The following ARHGAP42 variants were observed in gnomAD, a reference collection of about 807,000 sequenced individuals.
The protein encoded by ARHGAP42 is Rho GTPase activating protein 42.
Under a neutral mutation model 125.0 loss-of-function variants are expected in ARHGAP42, and 63 were observed. The observed-to-expected ratio is 0.50, with a 90% CI of 0.41 to 0.62. The LOEUF (loss-of-function observed/expected upper bound fraction) is 0.62. Ranked by LOEUF, ARHGAP42 falls within the 20% of genes least tolerant of loss-of-function variation. ARHGAP42 has a pLI of 0.00. For missense variants in ARHGAP42, 766 were observed against 1,024.2 expected, an observed-to-expected ratio of 0.75 and a Z score of 3.44; for synonymous variants, 339 against 351.0, an observed-to-expected ratio of 0.97 and a Z score of 0.38.
At chr11:100,719,206 A>G (rs1024240992) in intron 1 of ARHGAP42, among the ~76,000 whole-genome samples, 1 of 152,218 alleles carries the variant, frequency 6.6e-6, no homozygotes, top group African/African-American at 2.4e-5. Context: ...TTCATTCACC[A>G]CTAGATACTG....
intron 12 of ARHGAP42, among the ~76,000 whole-genome samples, chr11:100,954,994 G>T (rs662173): frequency 0.88 from 134,277 of 152,196 alleles, 59,320 homozygotes; most frequent in East Asian, 1. Flanking sequence ...TGTCAACCCT[G>T]AGAATGTACT....
chr11:100,729,833 C>G (rs1861925349), intron 1 of ARHGAP42, among the ~76,000 whole-genome samples: 1 of 137,582 alleles, frequency 7.3e-6, no homozygotes, highest in Non-Finnish European at 1.5e-5. Flanking sequence ...TTTTTTGAGA[C>G]AGAGTTTTGC....
At chr11:100,708,288 G>A (rs1861509808) in intron 1 of ARHGAP42, among the ~76,000 whole-genome samples, 1 of 152,196 alleles carries the variant, frequency 6.6e-6, no homozygotes, top group African/African-American at 2.4e-5. Context: ...TAGGTAGGAG[G>A]ATTGTTTGAA....
At chr11:100,889,895 AT>A (rs1331761815) in intron 4 of ARHGAP42, among the ~76,000 whole-genome samples, 1 of 152,080 alleles carries the variant, frequency 6.6e-6, no homozygotes, top group Non-Finnish European at 1.5e-5. Flanking sequence ...AAGCTGGACC[AT>A]TCTTTAGAGT....
intron 4 of ARHGAP42, among the ~76,000 whole-genome samples, chr11:100,900,430 T>C (rs1866511763): frequency 6.6e-6 from 1 of 152,196 alleles, no homozygotes; most frequent in Non-Finnish European, 1.5e-5. Context: ...GTTCTCTGTA[T>C]TTCCTGAATT....
chr11:100,731,160 ATTC>A (rs1321343755), intron 1 of ARHGAP42, among the ~76,000 whole-genome samples: 5 of 151,786 alleles, frequency 3.3e-5, no homozygotes, highest in East Asian at 3.9e-4. Flanking sequence ...ATATCATTAT[ATTC>A]TTCTTTTTTT....
chr11:100,771,042 C>T (rs1862965930), intron 2 of ARHGAP42, among the ~76,000 whole-genome samples: 1 of 143,966 alleles, frequency 6.9e-6, no homozygotes, highest in Non-Finnish European at 1.5e-5. Context: ...ATATACCAGG[C>T]ACTGGTTTAA....
At chr11:100,741,080 G>A (rs112732061) in intron 1 of ARHGAP42, among the ~76,000 whole-genome samples, 1 of 152,036 alleles carries the variant, frequency 6.6e-6, no homozygotes, top group Non-Finnish European at 1.5e-5. Context: ...TCCAAGGCTG[G>A]AGTGCAGTGG....
chr11:100,979,708 T>TC (rs1282206788), intron 22 of ARHGAP42, among the ~76,000 whole-genome samples: 1 of 151,914 alleles, frequency 6.6e-6, no homozygotes, highest in Non-Finnish European at 1.5e-5. Context: ...ATTATTTTTT[T>TC]TTTTTACTAT....
chr11:100,730,609 A>G (rs1861939553), intron 1 of ARHGAP42, among the ~76,000 whole-genome samples: 1 of 152,236 alleles, frequency 6.6e-6, no homozygotes, highest in East Asian at 1.9e-4. Context: ...ATGCTGATAC[A>G]AGCCATGTCT....
At chr11:100,771,658 G>A (rs1256432523) in intron 2 of ARHGAP42, among the ~76,000 whole-genome samples, 2 of 151,856 alleles carry the variant, frequency 1.3e-5, no homozygotes, top group Non-Finnish European at 2.9e-5. Context: ...GAGTGCAGTG[G>A]CACGATCTCG....
intron 4 of ARHGAP42, among the ~76,000 whole-genome samples, chr11:100,908,246 T>C (rs77030997): frequency 0.033 from 5,028 of 152,290 alleles, 134 homozygotes; most frequent in Non-Finnish European, 0.049. Flanking sequence ...TGTGGTAAAG[T>C]TTGTTCTTCA....
intron 2 of ARHGAP42, among the ~76,000 whole-genome samples, chr11:100,789,452 A>G (rs1213896485): frequency 6.6e-6 from 1 of 152,200 alleles, no homozygotes; most frequent in Non-Finnish European, 1.5e-5. Context: ...GATCGTAGAC[A>G]GTTTTGATAT....
At chr11:100,697,457 C>T (rs1361808576) in intron 1 of ARHGAP42, among the ~76,000 whole-genome samples, 1 of 152,196 alleles carries the variant, frequency 6.6e-6, no homozygotes, top group Non-Finnish European at 1.5e-5. Context: ...GCTGGGATTA[C>T]AGGCGTGAGC....
intron 6 of ARHGAP42, among the ~76,000 whole-genome samples, chr11:100,927,188 T>C (rs1867450442): frequency 6.6e-6 from 1 of 152,202 alleles, no homozygotes; most frequent in South Asian, 2.1e-4. Flanking sequence ...GCTTAAATAA[T>C]TTTGAGATTG....
At chr11:100,860,000 T>G (rs1361478516) in intron 4 of ARHGAP42, 1 of 155,824 alleles carries the variant, frequency 6.4e-6, no homozygotes, top group East Asian at 1.8e-4. Context: ...TTGTATTTTT[T>G]ATAAATAAAA....
intron 21 of ARHGAP42, 71 bp downstream of exon 21, chr11:100,977,042 T>G (rs1052742101): frequency 1.3e-6 from 2 of 1,510,600 alleles, no homozygotes; most frequent in African/African-American, 2.8e-5. Flanking sequence ...TCAGAAGAAC[T>G]CTTGGGAATC....
intron 4 of ARHGAP42, among the ~76,000 whole-genome samples, chr11:100,891,103 G>A (rs1469364049): frequency 6.6e-6 from 1 of 152,176 alleles, no homozygotes; most frequent in East Asian, 1.9e-4. Context: ...TGAGGCATGT[G>A]AGACAGACGC....
At chr11:100,936,038 A>T (rs1867730200) in intron 7 of ARHGAP42, among the ~76,000 whole-genome samples, 165 bp from the exon 8 acceptor site, 1 of 152,048 alleles carries the variant, frequency 6.6e-6, no homozygotes, top group South Asian at 2.1e-4. Context: ...CAGGAGGATC[A>T]CTTGTGCCCT....
Sources: gnomAD v4.1 joint callset for allele counts (sites outside exome capture counted in the v4.1 genomes callset) on GRCh38, gnomAD v4.1.1 for gene constraint, MANE v1.5 for transcripts, NCBI Gene and HGNC (gene_info 2026-07-23, HGNC 2026-07-21) for gene names.